Variants in ADCY3 observed in about 807,000 individuals in gnomAD.
ADCY3 encodes the protein adenylate cyclase 3.
Under a neutral mutation model 119.4 loss-of-function variants are expected in ADCY3, and 70 were observed. The ratio of observed to expected loss-of-function variants is 0.59; its 90% CI spans 0.48 to 0.72. The LOEUF (loss-of-function observed/expected upper bound fraction) is 0.72, where lower values mean the gene tolerates loss of function less well. Ranked by LOEUF, ADCY3 falls within the 30% of genes least tolerant of loss-of-function variation. ADCY3 has a pLI of 0.00. For missense variants in ADCY3, 1,238 were observed against 1,541.6 expected (o/e 0.80, Z 3.30); for synonymous variants, 672 against 621.4 (o/e 1.08, Z -1.21).
Position 24,823,357 on chromosome 2 carries a change from T to A in ADCY3, c.2737-2A>T. On this transcript the variant is annotated splice_acceptor_variant, in intron 17 of 21. Transcript: ENST00000679454. LOFTEE classifies it high-confidence loss of function. ...ATCATACGTCTGGCTATACAGCTCC[T>A]AAAAAGAGGTGCGGACAACGTGCTC... 1 of 1,610,456 alleles carries A rather than the reference T, an allele frequency of 6.2e-7. No homozygotes were observed. Among genetic ancestry groups the A allele is most frequent in the South Asian group, 1.1e-5 (1 of 90,430 alleles).
Position 24,872,774 on chromosome 2 carries a change from A to AAAGGGGATGGAG in ADCY3, c.676-67_676-56dup, listed in dbSNP as rs1171373644. The AAAGGGGATGGAG allele has an allele frequency of 4.3e-5, 69 of 1,587,458 alleles. No homozygotes were observed. In the East Asian group the frequency reaches 1.2e-3, roughly 27 times the overall value. ...CCAGGGGTGAAGGCACGTCTTCAGA[A>AAAGGGGATGGAG]AAGGGGATGGAGAAGGGGATGGAGG... On this transcript the variant is annotated intron_variant, in intron 2 of 21. Coordinates refer to ENST00000679454, the MANE Select transcript of ADCY3 (RefSeq NM_004036.5). This position sits in a 1 kb window ranked among gnomAD's most constrained non-coding sequence, Gnocchi z 4.4.
chr2:24,890,313 A>G (rs1677519194), intron 2 of ADCY3, among the ~76,000 whole-genome samples: 1 of 152,066 alleles, frequency 6.6e-6, no homozygotes, highest in South Asian at 2.1e-4. Flanking sequence ...TCTGGTTTTG[A>G]TATCAGGGCA....
chr2:24,829,717 C>T (rs996582267), intron 13 of ADCY3, among the ~76,000 whole-genome samples: 1 of 151,234 alleles, frequency 6.6e-6, no homozygotes, highest in African/African-American at 2.4e-5. Flanking sequence ...CCACTGCGCC[C>T]GGCACCGTGT....
chr2:24,895,147 G>A lies in ADCY3; in HGVS notation c.676-22428C>T, dbSNP rs150480622. On this transcript the variant is annotated intron_variant, in intron 2 of 21. Transcript: ENST00000679454. ...TGCTCTGTCGCCAGGCTGGAGTGCAGTGGTGCAATCTCGGCTCACTGCAAC... is the reference window on the plus strand; with the variant it reads ...TGCTCTGTCGCCAGGCTGGAGTGCAATGGTGCAATCTCGGCTCACTGCAAC... Among the ~76,000 whole-genome samples the A allele has an allele frequency of 6.9e-3, 1,052 of 152,114 alleles. 9 individuals are homozygous for A. The highest frequency in any genetic ancestry group is 0.024 in the African/African-American group (1,002 of 41,482).
In ADCY3 at chr2:24,821,550, T is replaced by G; in HGVS notation, c.3094A>C (p.Asn1032His). The G allele has an allele frequency of 6.2e-7, 1 of 1,614,106 alleles. No individual in the cohort carries two copies. The highest frequency in any genetic ancestry group is 8.5e-7 in the Non-Finnish European group (1 of 1,180,018). The change falls in exon 20 of 22, where the codon AAC (asparagine) becomes CAC (histidine). Residue 1032 changes from asparagine (N) to histidine (H), a missense_variant. Physicochemically the swap from Asn to His is moderately conservative, Grantham distance 68. Around this residue, in one of 7 missense-constraint regions of ADCY3, gnomAD observed 63 missense variants for 62.8 expected, o/e 1.00. Coordinates refer to ENST00000679454, the MANE Select transcript of ADCY3 (RefSeq NM_004036.5). ...AMKDTLTNIN[N>H]QSFNNFMLRI... Reference sequence around the variant, plus strand: ...AGCATGAAGTTATTGAAGGACTGGTTGTTGATGTTGGTGAGCGTATCCTTC... The same window carrying G: ...AGCATGAAGTTATTGAAGGACTGGTGGTTGATGTTGGTGAGCGTATCCTTC...
intron 11 of ADCY3, among the ~76,000 whole-genome samples, chr2:24,832,847 C>T (rs1440044084): frequency 6.6e-6 from 1 of 152,152 alleles, no homozygotes; most frequent in African/African-American, 2.4e-5. Context: ...AACTCCTGAT[C>T]TTTGCCTCTC....
At chr2:24,863,235 C>T (rs1673896845) in intron 3 of ADCY3, among the ~76,000 whole-genome samples, 1 of 152,092 alleles carries the variant, frequency 6.6e-6, no homozygotes, top group Admixed American at 6.6e-5. Flanking sequence ...GAAAGGCAGA[C>T]CCACCCTAAA....
intron 11 of ADCY3, among the ~76,000 whole-genome samples, chr2:24,832,899 A>AC (rs1188160538): frequency 6.6e-6 from 1 of 151,868 alleles, no homozygotes; most frequent in Non-Finnish European, 1.5e-5. Context: ...GGTTAACGGC[A>AC]CCCCCGTCCT....
chr2:24,833,939 G>A lies in ADCY3; in HGVS notation c.1967+546C>T, dbSNP rs150165115. Among the ~76,000 whole-genome samples the A allele has an allele frequency of 6.0e-3, 915 of 152,338 alleles. 10 individuals carry two copies. Among genetic ancestry groups the A allele is most frequent in the African/African-American group, 0.013 (560 of 41,560 alleles). ...CCCTCCTCTGTGACGGGGAATCCCC[G>A]ATTGGCCGAGGGGAGAAAGGGAGAA... On this transcript the variant is annotated intron_variant, in intron 11 of 21. Transcript: ENST00000679454.
At chr2:24,913,532 C>G (rs1664060934) in intron 2 of ADCY3, among the ~76,000 whole-genome samples, 1 of 152,198 alleles carries the variant, frequency 6.6e-6, no homozygotes, top group African/African-American at 2.4e-5. Flanking sequence ...GACCCCTCCC[C>G]TGTAATCCAG....
At chr2:24,859,813 TC>T (rs923354672) in intron 3 of ADCY3, among the ~76,000 whole-genome samples, 1 of 151,916 alleles carries the variant, frequency 6.6e-6, no homozygotes, top group African/African-American at 2.4e-5. Flanking sequence ...CTCTGTGCAG[TC>T]CCCCAAGACC....
At chr2:24,903,944 C>A (rs1460908719) in intron 2 of ADCY3, among the ~76,000 whole-genome samples, 1 of 152,230 alleles carries the variant, frequency 6.6e-6, no homozygotes, top group Non-Finnish European at 1.5e-5. Flanking sequence ...GAGCTCCATG[C>A]AGCTCACATG....
In ADCY3 at chr2:24,857,182, G is replaced by A. The variant is rs562788240; in HGVS notation, c.826-14798C>T. On this transcript the variant is annotated intron_variant, in intron 3 of 21. Coordinates refer to ENST00000679454, the MANE Select transcript of ADCY3 (RefSeq NM_004036.5). ...GGACACCGAACATGTGGGACTTCTG[G>A]TCACTGGCCTGGTCTCCTGTGCAGT... Among the ~76,000 whole-genome samples the A allele has an allele frequency of 3.9e-5, 6 of 152,340 alleles. No homozygotes were observed. In the East Asian group the frequency reaches 1.2e-3, roughly 29 times the overall value.
chr2:24,823,469 C>G (rs1446218898), intron 17 of ADCY3, 114 bp from the exon 18 acceptor site: 3 of 1,072,818 alleles, frequency 2.8e-6, no homozygotes, highest in Non-Finnish European at 3.9e-6. Context: ...TTTGGACTCA[C>G]ACATCAGTCA....
At chr2:24,820,170 G>C in intron 21 of ADCY3, 56 bp from the exon 22 acceptor site, 1 of 1,330,354 alleles carries the variant, frequency 7.5e-7, no homozygotes, top group Non-Finnish European at 1.0e-6. Flanking sequence ...TAGACTGAGG[G>C]CGGGTGGGGG....
intron 2 of ADCY3, among the ~76,000 whole-genome samples, chr2:24,884,249 A>G (rs1462208858): frequency 2.6e-5 from 4 of 152,076 alleles, no homozygotes; most frequent in African/African-American, 9.7e-5. Flanking sequence ...CCAGGGTCCT[A>G]GCCCACAGAA....
chr2:24,852,343 G>A (rs1672407908), intron 3 of ADCY3, among the ~76,000 whole-genome samples: 1 of 152,190 alleles, frequency 6.6e-6, no homozygotes, highest in Admixed American at 6.5e-5. Flanking sequence ...CAGGGGTGGG[G>A]GGTACAGGGG....
At chr2:24,881,957 G>A (rs991999148) in intron 2 of ADCY3, among the ~76,000 whole-genome samples, 17 of 152,218 alleles carry the variant, frequency 1.1e-4, no homozygotes, top group African/African-American at 2.9e-4. Flanking sequence ...AAATGTCAAC[G>A]GAGCCAACGT....
intron 11 of ADCY3, 72 bp from the exon 12 acceptor site, chr2:24,831,821 A>G: frequency 7.7e-6 from 2 of 258,722 alleles, no homozygotes; most frequent in Non-Finnish European, 1.4e-5. Context: ...TAGGAGAGGA[A>G]GGGACGGGGA....
Sources: gnomAD v4.1 joint callset for allele counts (sites outside exome capture counted in the v4.1 genomes callset) on GRCh38, gnomAD v4.1.1 for gene constraint, gnomAD v4.1.1 regional missense constraint, Gnocchi (gnomAD v3.1) non-coding constraint, MANE v1.5 for transcripts, NCBI Gene and HGNC (gene_info 2026-07-23, HGNC 2026-07-21) for gene names.